PLCL2: variants seen among roughly 807,000 people sequenced by gnomAD.
PLCL2 encodes the protein phospholipase C like 2, also known as inactive phospholipase C-like protein 2.
In PLCL2, 4 loss-of-function variants were observed where a neutral mutation model predicts 79.6. That is an observed-to-expected ratio of 0.05 (90% confidence interval 0.02 to 0.11). The LOEUF is 0.11. Ranked by LOEUF, PLCL2 falls within the 10% of genes least tolerant of loss-of-function variation. The pLI is 1.00. For missense variants in PLCL2, 895 were observed against 1,291.0 expected, an observed-to-expected ratio of 0.69 and a Z score of 4.70; for synonymous variants, 484 against 457.7, an observed-to-expected ratio of 1.06 and a Z score of -0.73.
chr3:16,964,268 G>T lies in PLCL2; in HGVS notation c.328-45406G>T, dbSNP rs2063783871. Among the ~76,000 whole-genome samples the T allele has an allele frequency of 2.0e-5, 3 of 150,566 alleles. No individual in the cohort carries two copies. The South Asian group carries it at 6.3e-4, about 32-fold the overall frequency. On this transcript the variant is annotated intron_variant, in intron 1 of 5. Coordinates refer to ENST00000615277, the MANE Select transcript of PLCL2 (RefSeq NM_001144382.2). Reference sequence around the variant, plus strand: ...TGCCACCTGTGAGTGAGAACATGCGGTGTTTGGTTTTCTGTCCTTGCGATA... The same window carrying T: ...TGCCACCTGTGAGTGAGAACATGCGTTGTTTGGTTTTCTGTCCTTGCGATA...
intron 1 of PLCL2, among the ~76,000 whole-genome samples, chr3:16,958,556 T>A (rs2063727169): frequency 6.6e-6 from 1 of 152,162 alleles, no homozygotes; most frequent in African/African-American, 2.4e-5. Context: ...TTGAAATGAG[T>A]GACATTTTGG....
chr3:16,925,291 T>A (rs1036247430), intron 1 of PLCL2, among the ~76,000 whole-genome samples: 13 of 151,912 alleles, frequency 8.6e-5, no homozygotes, highest in Non-Finnish European at 1.9e-4. Context: ...ACACTTAGAA[T>A]TCCAAAATTC....
chr3:17,035,847 G>A (rs552225631), intron 3 of PLCL2: 6 of 498,578 alleles, frequency 1.2e-5, no homozygotes, highest in Non-Finnish European at 2.4e-5. Context: ...CATCATGCCT[G>A]CAGCGGGGTC....
chr3:17,012,303 T>C (rs2064334748), intron 2 of PLCL2, 143 bp downstream of exon 2: 1 of 718,428 alleles, frequency 1.4e-6, no homozygotes, highest in Non-Finnish European at 2.1e-6. Flanking sequence ...TTGCCACTAG[T>C]CTGTTTTTTA....
chr3:17,014,680 C>G lies in PLCL2; in HGVS notation c.2815-28C>G, dbSNP rs1482811667. The G allele has an allele frequency of 1.9e-6, 3 of 1,564,408 alleles. No individual in the cohort carries two copies. The African/African-American group carries it at 4.1e-5, about 21-fold the overall frequency. ...AGAAAGTAAAACCCCCAGTTAATTA[C>G]AAATGCTCCTTTCATTCCATTTAAC... On this transcript the variant is annotated intron_variant, in intron 2 of 5. Transcript: ENST00000615277.
intron 1 of PLCL2, among the ~76,000 whole-genome samples, chr3:16,979,902 C>T (rs1481971806): frequency 2.7e-5 from 4 of 150,924 alleles, no homozygotes; most frequent in Non-Finnish European, 4.4e-5. Context: ...CCTCACTTCC[C>T]AGTAGGCACG....
At position 16,983,585 on chromosome 3, in the gene PLCL2, A is replaced by G. The variant is rs535990816; in HGVS notation, c.328-26089A>G. On this transcript the variant is annotated intron_variant, in intron 1 of 5. Coordinates refer to ENST00000615277, the MANE Select transcript of PLCL2 (RefSeq NM_001144382.2). The stretch of plus-strand genomic sequence containing the variant: ...CTCAGGAGGCTGAGGCAGGAGAATC[A>G]CTTGAACCCGGGAAGCGGAGGTTGC... 2.0e-4 allele frequency among the ~76,000 whole-genome samples: 31 copies of G among 152,284 alleles called. 1 individual carries two copies. In the East Asian group the frequency reaches 5.8e-3, roughly 28 times the overall value.
intron 1 of PLCL2, among the ~76,000 whole-genome samples, chr3:16,954,030 TTTA>T (rs942655013): frequency 6.5e-4 from 99 of 152,250 alleles, no homozygotes; most frequent in Middle Eastern, 3.4e-3. Flanking sequence ...TGTTTTTAAT[TTTA>T]TTATTATTAT....
At chr3:17,048,158 C>T (rs529250384) in intron 4 of PLCL2, among the ~76,000 whole-genome samples, 3 of 151,240 alleles carry the variant, frequency 2.0e-5, no homozygotes, top group Non-Finnish European at 4.4e-5. Flanking sequence ...AGTAAGCCAT[C>T]ACCACCTGTC....
At chr3:16,910,293 C>G (rs1237046514) in intron 1 of PLCL2, among the ~76,000 whole-genome samples, 2 of 152,108 alleles carry the variant, frequency 1.3e-5, no homozygotes, top group Non-Finnish European at 2.9e-5. Flanking sequence ...TTCAGGTCCT[C>G]ACTGTCACTT....
At chr3:17,038,317 C>T (rs2064680038) in intron 3 of PLCL2, among the ~76,000 whole-genome samples, 1 of 152,136 alleles carries the variant, frequency 6.6e-6, no homozygotes, top group Admixed American at 6.6e-5. Flanking sequence ...ATCCATGTGG[C>T]GAGTTACTCA....
chr3:17,080,512 G>A lies in PLCL2; in HGVS notation c.3205-9221G>A, dbSNP rs554607638. On this transcript the variant is annotated intron_variant, in intron 5 of 5. Coordinates refer to ENST00000615277, the MANE Select transcript of PLCL2 (RefSeq NM_001144382.2). ...GTCCCCCAGGCTGGAGTGCAGTGGT[G>A]TGATCTTGGCTCACTGCAACCTCCA... Among the ~76,000 whole-genome samples the A allele has an allele frequency of 1.7e-3, 258 of 152,170 alleles. 1 individual carries two copies. Among genetic ancestry groups the A allele is most frequent in the African/African-American group, 5.9e-3 (246 of 41,510 alleles).
At chr3:16,896,686 G>A (rs1304740607) in intron 1 of PLCL2, among the ~76,000 whole-genome samples, 2 of 152,170 alleles carry the variant, frequency 1.3e-5, no homozygotes, top group Non-Finnish European at 2.9e-5. Flanking sequence ...ATGGAGAGTT[G>A]TTTGATCACT....
chr3:16,962,142 T>A (rs558926533), intron 1 of PLCL2, among the ~76,000 whole-genome samples: 1 of 152,162 alleles, frequency 6.6e-6, no homozygotes, highest in East Asian at 1.9e-4. Context: ...TTTCCTCTTA[T>A]GGCAGTACAT....
chr3:16,974,606 G>A (rs1363120370), intron 1 of PLCL2, among the ~76,000 whole-genome samples: 3 of 152,166 alleles, frequency 2.0e-5, no homozygotes, highest in Non-Finnish European at 4.4e-5. Flanking sequence ...TAACATACAA[G>A]TAAGATGCTC....
intron 1 of PLCL2, among the ~76,000 whole-genome samples, chr3:16,892,903 C>T (rs1696384368): frequency 6.6e-6 from 1 of 152,162 alleles, no homozygotes; most frequent in Non-Finnish European, 1.5e-5. Context: ...TTTGACTGTC[C>T]ATGTTTTGAA....
chr3:17,042,888 C>A lies in PLCL2; in HGVS notation c.3033C>A (p.Leu1011=). 2 of 1,611,124 alleles carry A rather than the reference C, an allele frequency of 1.2e-6. No homozygotes were observed. Among genetic ancestry groups the A allele is most frequent in the Non-Finnish European group, 1.7e-6 (2 of 1,177,488 alleles). The change falls in exon 4 of 6, where the codon CTC becomes CTA. Residue 1011 remains leucine (L), a synonymous_variant. Coordinates refer to ENST00000615277, the MANE Select transcript of PLCL2 (RefSeq NM_001144382.2). ...TCCCTTTGCAGATGATTCAGTCCCTCAAGGCGTTGATTGAAAATGCAGATG... is the reference window on the plus strand; with the variant it reads ...TCCCTTTGCAGATGATTCAGTCCCTAAAGGCGTTGATTGAAAATGCAGATG... ...VTTYDMMIQS[L]KALIENADAV...
intron 1 of PLCL2, among the ~76,000 whole-genome samples, chr3:16,974,002 AGGAGTT>A (rs1238784533): frequency 1.3e-5 from 2 of 152,216 alleles, no homozygotes; most frequent in East Asian, 3.8e-4. Context: ...AAGACTGAGT[AGGAGTT>A]GAACTAAGCA....
chr3:17,035,257 C>G (rs1403888058), intron 3 of PLCL2, among the ~76,000 whole-genome samples: 1 of 150,418 alleles, frequency 6.6e-6, no homozygotes, highest in South Asian at 2.1e-4. Context: ...CGTTAACATA[C>G]TTAAAGGAAC....
Sources: allele counts gnomAD v4.1 joint callset (sites outside exome capture counted in the v4.1 genomes callset), GRCh38; gene constraint gnomAD v4.1.1; transcripts MANE v1.5; gene names NCBI Gene and HGNC (gene_info 2026-07-23, HGNC 2026-07-21).